Variants in GAREM2 observed in about 807,000 individuals in gnomAD.
GAREM2 encodes GRB2-associated and regulator of MAPK protein 2.
In GAREM2, 30 loss-of-function variants were observed where a neutral mutation model predicts 55.6. The ratio of observed to expected loss-of-function variants is 0.54; its 90% CI spans 0.40 to 0.73. The LOEUF (loss-of-function observed/expected upper bound fraction) is 0.73, where lower values mean the gene tolerates loss of function less well. Ranked by LOEUF, GAREM2 falls within the 30% of genes least tolerant of loss-of-function variation. The probability of loss-of-function intolerance (pLI) is 0.00; values close to 1 mark genes in which losing one functional copy is unlikely to be tolerated. For missense variants in GAREM2, 1,075 were observed against 1,257.7 expected (o/e 0.85, Z 2.20); for synonymous variants, 550 against 569.1 (o/e 0.97, Z 0.48).
intron 2 of GAREM2, among the ~76,000 whole-genome samples, chr2:26,178,889 A>AGGAGGCGGAGGAGGAGGAGGC: frequency 6.7e-6 from 1 of 149,820 alleles, no homozygotes; most frequent in Non-Finnish European, 1.5e-5. Context: ...GGAGGGGAGG[A>AGGAGGCGGAGGAGGAGGAGGC]GGAGGCGGAG....
At position 26,184,430 on chromosome 2, in the gene GAREM2, CGCGGGGGCCGCGGGAGGCACTGGCG is replaced by C; in HGVS notation, c.591_615del (p.Ala198ProfsTer14). The C allele has an allele frequency of 6.8e-7, 1 of 1,471,316 alleles. No homozygotes were observed. Among genetic ancestry groups the C allele is most frequent in the African/African-American group, 1.5e-5 (1 of 67,654 alleles). 91.1% of individuals were successfully genotyped at this position (1,471,316 alleles called of 1,614,324 possible). On this transcript the variant is annotated frameshift_variant, in exon 4 of 6. Transcript: ENST00000401533. LOFTEE classifies it high-confidence loss of function. The stretch of plus-strand genomic sequence containing the variant: ...GGGTGGGCGGCGGCGGCCCAGCGAG[CGCGGGGGCCGCGGGAGGCACTGGCG>C]GCGGGGGCGCCAGGCCGGTCAAAGG...
chr2:26,177,292 G>C (rs1668893588), intron 2 of GAREM2, among the ~76,000 whole-genome samples: 1 of 152,142 alleles, frequency 6.6e-6, no homozygotes, highest in Admixed American at 6.5e-5. Flanking sequence ...GGAGGGATGG[G>C]AGTCTGGTGG....
intron 2 of GAREM2, among the ~76,000 whole-genome samples, chr2:26,182,734 G>C (rs563455017): frequency 1.3e-5 from 2 of 152,260 alleles, no homozygotes; most frequent in South Asian, 4.1e-4. Context: ...GGCTCTCTAT[G>C]GGGGGAGGGC....
the GAREM2 span, among the ~76,000 whole-genome samples, chr2:26,203,197 A>G: frequency 6.6e-6 from 1 of 152,242 alleles, no homozygotes. Context: ...GGTCCTGGTT[A>G]GCATTATGGC....
intron 5 of GAREM2, among the ~76,000 whole-genome samples, chr2:26,186,634 C>T (rs1338877329): frequency 6.6e-6 from 1 of 152,158 alleles, no homozygotes; most frequent in East Asian, 1.9e-4. Flanking sequence ...AAGGTGGGGA[C>T]TTTGCTGCAG....
Position 26,185,143 on chromosome 2 carries a change from T to G in GAREM2, c.1295T>G (p.Leu432Trp). ...APPAEIPYEELWAHQGPEGLV... is the reference protein window; with the variant it reads ...APPAEIPYEEWWAHQGPEGLV... ...CCCGCCGAGATCCCCTACGAGGAGT[T>G]GTGGGCGCACCAGGGGCCCGAGGGC... is the stretch of plus-strand genomic sequence containing the variant. The change falls in exon 4 of 6, where the codon TTG becomes TGG. Residue 432 changes from leucine (L) to tryptophan (W), a missense_variant. By Grantham distance (61) the Leu-to-Trp change is moderately conservative. Coordinates refer to ENST00000401533, the MANE Select transcript of GAREM2 (RefSeq NM_001168241.2). 6.7e-7 allele frequency: 1 copy of G among 1,497,930 alleles called. No individual in the cohort carries two copies. The highest frequency in any genetic ancestry group is 8.8e-7 in the Non-Finnish European group (1 of 1,131,280). The allele number at this position is 1,497,930 out of a possible 1,614,324, so 92.8% of individuals were successfully genotyped here.
At position 26,185,040 on chromosome 2, in the gene GAREM2, G is replaced by A. The variant is rs1228008286; in HGVS notation, c.1192G>A (p.Ala398Thr). ...GCTCGCCCGCGCCCCCGGCCCGCTA[G>A]CGCCGGCTCCCGCCGGCGAGGGCGA... ...PGLARAPGPL[A>T]PAPAGEGDQE... The change falls in exon 4 of 6, where the codon GCG (alanine) becomes ACG (threonine). Residue 398 changes from alanine to threonine, a missense_variant. By Grantham distance (58) the Ala-to-Thr change is moderately conservative. Around this residue, in one of 6 missense-constraint regions of GAREM2, gnomAD observed 515 missense variants for 501.5 expected, o/e 1.03. Coordinates refer to ENST00000401533, the MANE Select transcript of GAREM2 (RefSeq NM_001168241.2). The A allele has an allele frequency of 2.5e-5, 30 of 1,192,756 alleles. No homozygotes were observed. The highest frequency in any genetic ancestry group is 3.4e-4 in the Middle Eastern group (1 of 2,972). The allele number at this position is 1,192,756 out of a possible 1,614,324, so 73.9% of individuals were successfully genotyped here. A position where few individuals can be genotyped will look rare whatever the true frequency, so the allele number is the denominator to read the frequency against.
At chr2:26,204,223 C>G in the GAREM2 span, 4 of 1,610,454 alleles carry the variant, frequency 2.5e-6, no homozygotes, top group Non-Finnish European at 3.4e-6. Context: ...AAATGACTTT[C>G]GGTAAACTGA....
downstream of GAREM2, among the ~76,000 whole-genome samples, chr2:26,193,166 C>T (rs1669560846): frequency 1.3e-5 from 2 of 151,932 alleles, no homozygotes; most frequent in Non-Finnish European, 2.9e-5. Context: ...GATTTCATCT[C>T]TGGGGGATAA....
the GAREM2 span, among the ~76,000 whole-genome samples, chr2:26,202,329 C>G: frequency 6.6e-6 from 1 of 152,194 alleles, no homozygotes; most frequent in Admixed American, 6.5e-5. Flanking sequence ...ACCACACTTT[C>G]AGAATAAATT....
chr2:26,177,376 A>C (rs1228682248), intron 2 of GAREM2, among the ~76,000 whole-genome samples: 1 of 152,206 alleles, frequency 6.6e-6, no homozygotes, highest in Non-Finnish European at 1.5e-5. Flanking sequence ...GCTGCATGCC[A>C]TATGCTGGGC....
chr2:26,185,529 C>T (rs945713170), intron 4 of GAREM2, among the ~76,000 whole-genome samples: 1 of 152,090 alleles, frequency 6.6e-6, no homozygotes, highest in Non-Finnish European at 1.5e-5. Flanking sequence ...AGAGGAGCCC[C>T]GAAGCACTGT....
At chr2:26,198,053 G>C in the GAREM2 span, among the ~76,000 whole-genome samples, 1 of 152,134 alleles carries the variant, frequency 6.6e-6, no homozygotes, top group Non-Finnish European at 1.5e-5. Context: ...CTCAGCAGTT[G>C]GGTCAATAAA....
chr2:26,204,252 A>G, the GAREM2 span: 1 of 1,537,154 alleles, frequency 6.5e-7, no homozygotes, highest in Non-Finnish European at 9.0e-7. Context: ...ATTTCAGTCA[A>G]AGTGGAAGAT....
At chr2:26,198,238 T>G in the GAREM2 span, among the ~76,000 whole-genome samples, 1 of 152,158 alleles carries the variant, frequency 6.6e-6, no homozygotes, top group Non-Finnish European at 1.5e-5. Flanking sequence ...AGTGTGTTAC[T>G]AAAAAACGGC....
chr2:26,183,757 C>T (rs1669130904), intron 3 of GAREM2, among the ~76,000 whole-genome samples: 1 of 152,196 alleles, frequency 6.6e-6, no homozygotes, highest in African/African-American at 2.4e-5. Flanking sequence ...CAACTAAAAG[C>T]AGTCCCTGCT....
chr2:26,201,082 TAA>T, the GAREM2 span: 4 of 1,152,582 alleles, frequency 3.5e-6, no homozygotes, highest in Non-Finnish European at 5.1e-6. Flanking sequence ...ATAGCTCCTT[TAA>T]AAAAAAAATC....
chr2:26,187,006 TATTA>T (rs1031425099), intron 5 of GAREM2, among the ~76,000 whole-genome samples: 12 of 152,202 alleles, frequency 7.9e-5, no homozygotes, highest in African/African-American at 2.9e-4. Flanking sequence ...AAAATATTTT[TATTA>T]ATTTCAGTTT....
the GAREM2 span, among the ~76,000 whole-genome samples, chr2:26,196,751 C>G: frequency 6.6e-6 from 1 of 152,162 alleles, no homozygotes; most frequent in South Asian, 2.1e-4. Context: ...GCTCCGATGG[C>G]GGGGAGAGGT....
Sources: allele counts gnomAD v4.1 joint callset (sites outside exome capture counted in the v4.1 genomes callset), GRCh38; gene constraint gnomAD v4.1.1; regional missense constraint gnomAD v4.1.1; transcripts MANE v1.5; gene names NCBI Gene and HGNC (gene_info 2026-07-23, HGNC 2026-07-21).